IL36G: variants seen among roughly 807,000 people sequenced by gnomAD.
IL36G encodes interleukin 36 gamma, also known as interleukin-36 gamma.
IL36G carries 10 observed loss-of-function variants against 13.5 expected under a neutral mutation model. That is an observed-to-expected ratio of 0.74 (90% confidence interval 0.46 to 1.26). The LOEUF is 1.26. Ranked by LOEUF, IL36G falls within the 50% of genes most tolerant of loss-of-function variation. IL36G has a pLI of 0.00. For missense variants in IL36G, 199 were observed against 203.0 expected (o/e 0.98, Z 0.12); for synonymous variants, 84 against 74.0 (o/e 1.13, Z -0.69).
rs1573340894 is a variant in IL36G, at chr2:112,979,999, A to G, written c.161-10A>G. 1.5e-5 allele frequency: 24 copies of G among 1,611,174 alleles called. No individual in the cohort carries two copies. In the East Asian group the frequency reaches 5.1e-4, roughly 34 times the overall value. The stretch of plus-strand genomic sequence containing the variant: ...GGAAACTGATACCATCTCTCCTCTT[A>G]TCTTTACAGTCACTGTTGCTGTTAT... On this transcript the variant is annotated splice_polypyrimidine_tract_variant and intron_variant, in intron 3 of 4. Coordinates refer to ENST00000259205, the MANE Select transcript of IL36G (RefSeq NM_019618.4).
intron 2 of IL36G, 53 bp downstream of exon 2, chr2:112,978,746 C>A: frequency 6.5e-7 from 1 of 1,538,134 alleles, no homozygotes; most frequent in South Asian, 1.1e-5. Flanking sequence ...CCTCTGCACT[C>A]ACGCTATCTC....
In IL36G at chr2:112,985,263, A is replaced by G; in HGVS notation, c.*214A>G. The G allele has an allele frequency of 5.6e-6, 3 of 539,870 alleles. No individual in the cohort carries two copies. Among genetic ancestry groups the G allele is most frequent in the Non-Finnish European group, 1.0e-5 (3 of 300,578 alleles). 33.4% of individuals were successfully genotyped at this position (539,870 alleles called of 1,614,324 possible). On this transcript the variant is annotated 3_prime_UTR_variant, in exon 5 of 5. Coordinates refer to ENST00000259205, the MANE Select transcript of IL36G (RefSeq NM_019618.4). Reference sequence around the variant, plus strand: ...CAGAAGCAGGAGAGCTGGGTGGTATAAGGCTGTCCTCTCAAGCTGGTGCTG... The same window carrying G: ...CAGAAGCAGGAGAGCTGGGTGGTATGAGGCTGTCCTCTCAAGCTGGTGCTG...
chr2:112,980,527 A>T (rs1157907538), intron 4 of IL36G, among the ~76,000 whole-genome samples: 1 of 152,262 alleles, frequency 6.6e-6, no homozygotes, highest in Non-Finnish European at 1.5e-5. Flanking sequence ...TCTTCATCTG[A>T]TGCTCTGAAC....
In IL36G at chr2:112,984,981, C is replaced by A. The variant is rs376883493; in HGVS notation, c.442C>A (p.Pro148Thr). The A allele has an allele frequency of 3.7e-6, 6 of 1,613,916 alleles. No individual in the cohort carries two copies. Among genetic ancestry groups the A allele is most frequent in the African/African-American group, 1.3e-5 (1 of 74,890 alleles). Residue 148 changes from proline to threonine, a missense_variant, in exon 5 of 5, where the codon CCC (proline) becomes ACC (threonine). By Grantham distance (38) the Pro-to-Thr change is conservative. Coordinates refer to ENST00000259205, the MANE Select transcript of IL36G (RefSeq NM_019618.4). ...WFIASSKRDQ[P>T]IILTSELGKS... ...CATTGCCTCCTCCAAGAGAGACCAGCCCATCATTCTGACTTCAGAACTTGG... is the reference window on the plus strand; with the variant it reads ...CATTGCCTCCTCCAAGAGAGACCAGACCATCATTCTGACTTCAGAACTTGG...
At position 112,985,090 on chromosome 2, in the gene IL36G, T is replaced by A; in HGVS notation, c.*41T>A. 1 of 1,452,988 alleles carries A rather than the reference T, an allele frequency of 6.9e-7. No homozygotes were observed. Among genetic ancestry groups the A allele is most frequent in the Admixed American group, 1.8e-5 (1 of 56,730 alleles). The allele number at this position is 1,452,988 out of a possible 1,614,324, so 90.0% of individuals were successfully genotyped here. On this transcript the variant is annotated 3_prime_UTR_variant, in exon 5 of 5. Transcript: ENST00000259205. ...GGCAGCTTGGTCTTTGTCTTAAAGT[T>A]TCTGGTTCCCAATGTGTTTTCGTCT...
rs748541650 is a variant in IL36G at position 112,980,056 on chromosome 2, G to T, written c.208G>T (p.Gly70Cys). The stretch of plus-strand genomic sequence containing the variant: ...CAAGTATCCAGAGGCTCTTGAGCAA[G>T]GCAGAGGGGATCCCATTTATTTGGG... ...TCKYPEALEQGRGDPIYLGIQ... is the reference protein window; with the variant it reads ...TCKYPEALEQCRGDPIYLGIQ... Residue 70 changes from glycine to cysteine, a missense_variant, in exon 4 of 5, where the codon GGC becomes TGC. By Grantham distance (159) the Gly-to-Cys change is radical. Transcript: ENST00000259205. The T allele has an allele frequency of 6.2e-7, 1 of 1,613,842 alleles. No homozygotes were observed.
Position 112,985,031 on chromosome 2 carries a change from A to G in IL36G, c.492A>G (p.Glu164=). 1 of 1,613,478 alleles carries G rather than the reference A, an allele frequency of 6.2e-7. No individual in the cohort carries two copies. Among genetic ancestry groups the G allele is most frequent in the Non-Finnish European group, 8.5e-7 (1 of 1,179,460 alleles). ...ELGKSYNTAF[E]LNIND is the part of the protein sequence containing the mutation. ...GGAAGTCATACAACACTGCCTTTGA[A>G]TTAAATATAAATGACTGAACTCAGC... The change falls in exon 5 of 5, where the codon GAA becomes GAG. Residue 164 remains glutamate (E), a synonymous_variant. Transcript: ENST00000259205.
intron 4 of IL36G, among the ~76,000 whole-genome samples, chr2:112,980,529 G>A (rs1401653958): frequency 6.6e-6 from 1 of 152,228 alleles, no homozygotes; most frequent in African/African-American, 2.4e-5. Context: ...TTCATCTGAT[G>A]CTCTGAACAG....
chr2:112,982,041 T>C (rs1377935096), intron 4 of IL36G, among the ~76,000 whole-genome samples: 1 of 152,196 alleles, frequency 6.6e-6, no homozygotes, highest in Non-Finnish European at 1.5e-5. Context: ...CCTGACCATG[T>C]GGGGCTTGGA....
chr2:112,982,858 A>G (rs910899897), intron 4 of IL36G, among the ~76,000 whole-genome samples: 2 of 152,200 alleles, frequency 1.3e-5, no homozygotes, highest in Admixed American at 1.3e-4. Context: ...GGGAGGAATT[A>G]CAAGAAAGGG....
At chr2:112,979,372 T>C (rs1368880479) in intron 3 of IL36G, 47 bp downstream of exon 3, 1 of 1,125,852 alleles carries the variant, frequency 8.9e-7, no homozygotes, top group Non-Finnish European at 1.3e-6. Context: ...CTGCTGTGGC[T>C]GGGAAGCTGG....
intron 4 of IL36G, chr2:112,981,430 G>A: frequency 1.4e-6 from 1 of 699,104 alleles, no homozygotes; most frequent in South Asian, 1.5e-5. Context: ...CTTTCTCCTG[G>A]GCATGGTGGT....
intron 4 of IL36G, chr2:112,981,198 C>A: frequency 8.0e-7 from 1 of 1,248,850 alleles, no homozygotes; most frequent in African/African-American, 1.5e-5. Context: ...GCTTTCTGTG[C>A]CTTCCCTGTT....
At chr2:112,982,087 G>A (rs1358740711) in intron 4 of IL36G, among the ~76,000 whole-genome samples, 1 of 152,286 alleles carries the variant, frequency 6.6e-6, no homozygotes, top group African/African-American at 2.4e-5. Flanking sequence ...AACAATAAAT[G>A]TAATAGTAGG....
rs753322717 is a variant in IL36G, at chr2:112,978,625, G to A, written c.-14G>A. On this transcript the variant is annotated 5_prime_UTR_variant, in exon 2 of 5. Transcript: ENST00000259205. ...TTCTATGTCTGCTTTCACAGGTGCT[G>A]AGACAACCACACTATGAGAGGCACT... 3 of 1,613,620 alleles carry A rather than the reference G, an allele frequency of 1.9e-6. No homozygotes were observed. The highest frequency in any genetic ancestry group is 2.7e-5 in the African/African-American group (2 of 74,930).
Position 112,985,342 on chromosome 2 carries a change from T to C in IL36G, c.*293T>C. 2.8e-6 allele frequency: 1 copy of C among 353,734 alleles called. No homozygotes were observed. The highest frequency in any genetic ancestry group is 5.2e-6 in the Non-Finnish European group (1 of 191,226). The allele number at this position is 353,734 out of a possible 1,614,324, so 21.9% of individuals were successfully genotyped here. On this transcript the variant is annotated 3_prime_UTR_variant, in exon 5 of 5. Transcript: ENST00000259205. ...ACTTTAAGACTCAAAGACCAAACAC[T>C]GAGCTTTCTTCTAGGGGTGGGTATG...
intron 2 of IL36G, 37 bp downstream of exon 2, chr2:112,978,730 T>G: frequency 6.3e-7 from 1 of 1,596,412 alleles, no homozygotes; most frequent in Non-Finnish European, 8.6e-7. Flanking sequence ...CTCTGGAGGC[T>G]TAGGCCCTCT....
At chr2:112,978,504 C>T (rs1684203685) in intron 1 of IL36G, 116 bp from the exon 2 acceptor site, 9 of 776,730 alleles carry the variant, frequency 1.2e-5, no homozygotes, top group Non-Finnish European at 1.8e-5. Context: ...CCCAGAGCTT[C>T]GTGTCAGGCC....
rs887521296 is a variant in IL36G at position 112,985,388 on chromosome 2, C to A, written c.*339C>A. On this transcript the variant is annotated 3_prime_UTR_variant, in exon 5 of 5. Transcript: ENST00000259205. ...GTATGAAGATGCTTCAGAGCTCATG[C>A]GCGTTACCCACGATGGCATGACTAG... 7.3e-6 allele frequency: 2 copies of A among 272,604 alleles called. No homozygotes were observed. The highest frequency in any genetic ancestry group is 8.5e-5 in the East Asian group (1 of 11,742). The allele number at this position is 272,604 out of a possible 1,614,324, so 16.9% of individuals were successfully genotyped here. A position where few individuals can be genotyped will look rare whatever the true frequency, so the allele number is the denominator to read the frequency against.
Sources: gnomAD v4.1 joint callset for allele counts (sites outside exome capture counted in the v4.1 genomes callset) on GRCh38, gnomAD v4.1.1 for gene constraint, MANE v1.5 for transcripts, NCBI Gene and HGNC (gene_info 2026-07-23, HGNC 2026-07-21) for gene names.